ANK1: variants seen among roughly 807,000 people sequenced by gnomAD.
The protein encoded by ANK1 is ankyrin-1.
A neutral mutation model predicts 210.4 loss-of-function variants in ANK1; 51 were observed. The ratio of observed to expected loss-of-function variants is 0.24; its 90% CI spans 0.19 to 0.31. ANK1 has a LOEUF of 0.31. Ranked by LOEUF, ANK1 falls within the 10% of genes least tolerant of loss-of-function variation. The pLI, the probability that ANK1 is intolerant of heterozygous loss-of-function variation, is 1.00. For synonymous variants in ANK1, 967 were observed against 1,025.9 expected (o/e 0.94, Z 1.10); for missense variants, 2,051 against 2,504.4 (o/e 0.82, Z 3.86).
At position 41,817,276 on chromosome 8, in the gene ANK1, G is replaced by A. The variant is rs908694050; in HGVS notation, c.127-59139C>T. On this transcript the variant is annotated intron_variant, in intron 1 of 42. Coordinates refer to the ANK1 transcript ENST00000265709. Reference sequence around the variant, plus strand: ...ACATTTGCCTATTATCAGAAGTCTAGGATAAATCTATTAAAACTTTTCCTT... The same window carrying A: ...ACATTTGCCTATTATCAGAAGTCTAAGATAAATCTATTAAAACTTTTCCTT... Among the ~76,000 whole-genome samples, 8 of 152,138 alleles carry A rather than the reference G, an allele frequency of 5.3e-5. No homozygotes were observed. The South Asian group carries it at 1.7e-3, about 32-fold the overall frequency.
At chr8:41,877,208 C>T (rs575850615) in intron 1 of ANK1, among the ~76,000 whole-genome samples, 11 of 152,344 alleles carry the variant, frequency 7.2e-5, no homozygotes, top group African/African-American at 2.6e-4. Context: ...AATCACCATC[C>T]CACAGCGCAG....
chr8:41,661,332 A>G, intron 42 of ANK1, 98 bp downstream of exon 42: 3 of 1,520,748 alleles, frequency 2.0e-6, no homozygotes, highest in Non-Finnish European at 1.8e-6. Flanking sequence ...TTTGTCCCAC[A>G]TCATGCTGGG....
At chr8:41,787,465 C>A (rs1309881670) in intron 1 of ANK1, among the ~76,000 whole-genome samples, 16 of 152,200 alleles carry the variant, frequency 1.1e-4, no homozygotes, top group Admixed American at 1.0e-3. Context: ...CCAGCCCAAC[C>A]TGACAGGGGT....
intron 1 of ANK1, among the ~76,000 whole-genome samples, chr8:41,821,556 A>G (rs1026989129): frequency 5.9e-5 from 9 of 152,196 alleles, no homozygotes; most frequent in African/African-American, 2.2e-4. Context: ...GGCCATACGA[A>G]TGAATGACTT....
At chr8:41,894,747 G>A (rs1217276096) in intron 1 of ANK1, among the ~76,000 whole-genome samples, 2 of 152,012 alleles carry the variant, frequency 1.3e-5, no homozygotes, top group African/African-American at 4.8e-5. Flanking sequence ...TCACATTCAC[G>A]CCAAGAAAGT....
At chr8:41,798,166 G>C (rs1256488896), upstream of ANK1, among the ~76,000 whole-genome samples, 1 of 152,018 alleles carries the variant, frequency 6.6e-6, no homozygotes, top group Admixed American at 6.5e-5. Flanking sequence ...GGCGCTGCGG[G>C]TGTGGGGCGC....
chr8:41,855,893 C>T lies in ANK1; in HGVS notation c.126+40462G>A, dbSNP rs541268154. Among the ~76,000 whole-genome samples, 3 of 152,158 alleles carry T rather than the reference C, an allele frequency of 2.0e-5. No individual in the cohort carries two copies. The South Asian group carries it at 6.2e-4, about 32-fold the overall frequency. ...CATCCAATTCATCATCTAGTGTAGGCCGGGCCTGGAGACTGCAGTCCCTGT... is the reference window on the plus strand; with the variant it reads ...CATCCAATTCATCATCTAGTGTAGGTCGGGCCTGGAGACTGCAGTCCCTGT... On this transcript the variant is annotated intron_variant, in intron 1 of 42. Transcript: ENST00000265709.
Position 41,803,083 on chromosome 8 carries a change from GGGAAGGAAAGGAAAGGA to G in ANK1, c.127-44963_127-44947del, listed in dbSNP as rs1563811096. On this transcript the variant is annotated intron_variant, in intron 1 of 42. Coordinates refer to the ANK1 transcript ENST00000265709. The stretch of plus-strand genomic sequence containing the variant: ...AGAAAGGAAGGAAGGAAGGAAGGAA[GGGAAGGAAAGGAAAGGA>G]AAGGAAAGGAAAGGAAAGGAAAGGA... 7.2e-4 allele frequency among the ~76,000 whole-genome samples: 31 copies of G among 42,874 alleles called. 1 individual carries two copies. Among genetic ancestry groups the G allele is most frequent in the Admixed American group, 4.1e-3 (14 of 3,422 alleles). 28.1% of individuals were successfully genotyped at this position (42,874 alleles called of 152,430 possible).
At chr8:41,683,406 G>A (rs1019037108) in intron 37 of ANK1, among the ~76,000 whole-genome samples, 2 of 152,116 alleles carry the variant, frequency 1.3e-5, no homozygotes, top group Admixed American at 6.5e-5. Context: ...AGGGCTCAGC[G>A]AGCAGGGTCC....
chr8:41,817,147 A>G (rs1481939402), intron 1 of ANK1, among the ~76,000 whole-genome samples: 1 of 152,154 alleles, frequency 6.6e-6, no homozygotes, highest in Non-Finnish European at 1.5e-5. Flanking sequence ...TTGCACTTCA[A>G]GAAGGATCTT....
In ANK1 at chr8:41,716,966, T is replaced by C. The variant is rs756288940; in HGVS notation, c.1391A>G (p.Asn464Ser). Reference protein sequence around the residue: ...KYLLQNKAKVNAKAKDDQTPL... With the variant: ...KYLLQNKAKVSAKAKDDQTPL... ...TTCACTACTCACCTTGGCCTTGGCA[T>C]TGACTTTGGCTTTGTTCTGGAGTAA... The change falls in exon 13 of 43, where the codon AAT becomes AGT. Residue 464 changes from asparagine (N) to serine (S), a missense_variant. Physicochemically the swap from Asn to Ser is conservative, Grantham distance 46. Transcript: ENST00000289734. The C allele has an allele frequency of 3.7e-6, 6 of 1,614,052 alleles. No homozygotes were observed. The highest frequency in any genetic ancestry group is 2.7e-5 in the African/African-American group (2 of 74,950).
chr8:41,810,731 G>A (rs139552287), intron 1 of ANK1, among the ~76,000 whole-genome samples: 3 of 152,358 alleles, frequency 2.0e-5, no homozygotes, highest in Non-Finnish European at 4.4e-5. Flanking sequence ...CAAAAGCGCG[G>A]AGAACAGGCA....
chr8:41,741,202 G>A lies in ANK1; in HGVS notation c.130-7133C>T, dbSNP rs188368024. 3.7e-3 allele frequency among the ~76,000 whole-genome samples: 561 copies of A among 152,262 alleles called. 4 individuals are homozygous for A. Among genetic ancestry groups the A allele is most frequent in the Non-Finnish European group, 5.3e-3 (361 of 68,014 alleles). On this transcript the variant is annotated intron_variant, in intron 2 of 42. Coordinates refer to ENST00000289734, the MANE Select transcript of ANK1 (RefSeq NM_000037.4). ...CAAAAATAAAAATAAAGGTGAGAGG[G>A]TCTGTTTTTGCTTCACATGAGGGAA... is the stretch of plus-strand genomic sequence containing the variant.
intron 1 of ANK1, among the ~76,000 whole-genome samples, chr8:41,867,391 GGT>G (rs750754276): frequency 2.0e-5 from 3 of 152,124 alleles, no homozygotes; most frequent in Non-Finnish European, 4.4e-5. Context: ...CACAGTGCCT[GGT>G]TAATACCAAA....
Position 41,684,655 on chromosome 8 carries a change from G to A in ANK1, c.4426C>T (p.Arg1476Cys), listed in dbSNP as rs200045954. 43 of 1,613,864 alleles carry A rather than the reference G, an allele frequency of 2.7e-5. No homozygotes were observed. Among genetic ancestry groups the A allele is most frequent in the South Asian group, 7.7e-5 (7 of 91,074 alleles). The change falls in exon 37 of 43, where the codon CGT becomes TGT. Residue 1476 changes from arginine to cysteine, a missense_variant. By Grantham distance (180) the Arg-to-Cys change is radical. Transcript: ENST00000289734. ...TCCAGCATGTTCACGATCTCGCCAC[G>A]GTCAATGCTCTGCAGGGCTGTGTAC... ...NLYTALQSID[R>C]GEIVNMLEGS...
At chr8:41,881,865 G>C (rs941102809) in intron 1 of ANK1, among the ~76,000 whole-genome samples, 1 of 152,202 alleles carries the variant, frequency 6.6e-6, no homozygotes, top group Non-Finnish European at 1.5e-5. Context: ...TGAGTGGGGA[G>C]CATAGCCAAC....
chr8:41,653,320 A>G lies in ANK1; in HGVS notation c.*2470T>C, dbSNP rs576427367. The G allele has an allele frequency of 2.6e-5, 4 of 152,780 alleles. No homozygotes were observed. The highest frequency in any genetic ancestry group is 7.2e-5 in the African/African-American group (3 of 41,576). 9.5% of individuals were successfully genotyped at this position (152,780 alleles called of 1,614,324 possible). A position where few individuals can be genotyped will look rare whatever the true frequency, so the allele number is the denominator to read the frequency against. ...AGAGTAGGGTAGGGGATTCTCTCCC[A>G]TAACAGAGCATGTGGGAGAGTCAAG... is the stretch of plus-strand genomic sequence containing the variant. On this transcript the variant is annotated 3_prime_UTR_variant, in exon 43 of 43. Coordinates refer to ENST00000289734, the MANE Select transcript of ANK1 (RefSeq NM_000037.4).
At chr8:41,701,002 C>T (rs1220264637) in intron 22 of ANK1, among the ~76,000 whole-genome samples, 3 of 152,284 alleles carry the variant, frequency 2.0e-5, no homozygotes, top group Non-Finnish European at 2.9e-5. Context: ...CTCCTAGCCT[C>T]AAGCAATCCT....
rs577355208 is a variant in ANK1 at position 41,872,659 on chromosome 8, G to T, written c.126+23696C>A. Among the ~76,000 whole-genome samples, 3 of 152,318 alleles carry T rather than the reference G, an allele frequency of 2.0e-5. No homozygotes were observed. In the South Asian group the frequency reaches 6.2e-4, roughly 32 times the overall value. ...GGATGTGCCCCAATCGGTGAGTAGG[G>T]GGTGCTCACCTTACAATTCTCAGCC... On this transcript the variant is annotated intron_variant, in intron 1 of 42. Transcript: ENST00000265709.
Sources: gnomAD v4.1 joint callset for allele counts (sites outside exome capture counted in the v4.1 genomes callset) on GRCh38, gnomAD v4.1.1 for gene constraint, MANE v1.5 for transcripts, NCBI Gene and HGNC (gene_info 2026-07-23, HGNC 2026-07-21) for gene names.